Variants in AZIN2 observed in about 807,000 individuals in gnomAD.
AZIN2 encodes antizyme inhibitor 2.
Under a neutral mutation model 47.8 loss-of-function variants are expected in AZIN2, and 28 were observed. That is an observed-to-expected ratio of 0.59 (90% CI 0.43 to 0.80). The LOEUF (loss-of-function observed/expected upper bound fraction) is 0.80, where lower values mean the gene tolerates loss of function less well. AZIN2 is among the 30% of genes least tolerant of loss of function. The pLI is 0.00. For synonymous variants in AZIN2, 221 were observed against 239.4 expected (o/e 0.92, Z 0.71); for missense variants, 535 against 582.5 (o/e 0.92, Z 0.84).
chr1:33,127,364 C>T (rs914907525), downstream of AZIN2, among the ~76,000 whole-genome samples: 4 of 152,252 alleles, frequency 2.6e-5, no homozygotes, highest in African/African-American at 7.2e-5. Context: ...ATGTCGCGCC[C>T]TCTGGCGGCT....
intron 5 of AZIN2, among the ~76,000 whole-genome samples, chr1:33,089,217 G>C (rs530538862): frequency 2.2e-4 from 33 of 152,168 alleles, no homozygotes; most frequent in Non-Finnish European, 3.5e-4. Context: ...AAGATTATTA[G>C]TAAGGTTAAA....
chr1:33,118,432 G>A (rs775055394), intron 11 of AZIN2: 7 of 255,288 alleles, frequency 2.7e-5, no homozygotes, highest in African/African-American at 4.5e-5. Context: ...TACAGGAGTG[G>A]GTGGTAGGAC....
chr1:33,096,509 G>C (rs975470714), intron 8 of AZIN2, among the ~76,000 whole-genome samples, 198 bp from the exon 9 acceptor site: 1 of 152,166 alleles, frequency 6.6e-6, no homozygotes, highest in African/African-American at 2.4e-5. Flanking sequence ...CAAGCACGAG[G>C]CTCTCTACCC....
intron 5 of AZIN2, among the ~76,000 whole-genome samples, chr1:33,088,738 A>G (rs1642212205): frequency 6.6e-6 from 1 of 152,142 alleles, no homozygotes; most frequent in African/African-American, 2.4e-5. Flanking sequence ...CCTCTACTGG[A>G]AAGATTCTTA....
the AZIN2 span, among the ~76,000 whole-genome samples, chr1:33,157,180 G>A: frequency 3.3e-5 from 5 of 152,086 alleles, no homozygotes; most frequent in African/African-American, 9.7e-5. Context: ...ACAGACCCTC[G>A]TGGTGTCTGG....
the AZIN2 span, among the ~76,000 whole-genome samples, chr1:33,149,719 T>G: frequency 1.3e-5 from 2 of 152,226 alleles, no homozygotes; most frequent in Admixed American, 6.5e-5. Context: ...CCTCTCACAG[T>G]GCTGGGATTA....
rs751085465 is a variant in AZIN2, at chr1:33,118,122, A to G, written c.1244+6A>G. Reference sequence around the variant, plus strand: ...GCCATGTCCCGGGTGGCCTGGTAAGAGGGCCCTGCTGGAAAATGGGGGTAT... The same window carrying G: ...GCCATGTCCCGGGTGGCCTGGTAAGGGGGCCCTGCTGGAAAATGGGGGTAT... On this transcript the variant is annotated splice_donor_region_variant and intron_variant, in intron 11 of 11. Coordinates refer to ENST00000294517, the MANE Select transcript of AZIN2 (RefSeq NM_052998.4). 4.0e-6 allele frequency: 6 copies of G among 1,506,598 alleles called. No homozygotes were observed. In the Admixed American group the frequency reaches 1.2e-4, roughly 30 times the overall value. 93.3% of individuals were successfully genotyped at this position (1,506,598 alleles called of 1,614,324 possible). A position where few individuals can be genotyped will look rare whatever the true frequency, so the allele number is the denominator to read the frequency against.
the AZIN2 span, chr1:33,146,409 G>A: frequency 6.2e-6 from 1 of 160,546 alleles, no homozygotes; most frequent in African/African-American, 2.4e-5. Flanking sequence ...CTTGTTCAGA[G>A]CTACTGGGGA....
At chr1:33,082,130 G>T (rs1251345738) in intron 3 of AZIN2, 48 bp from the exon 4 acceptor site, 21 of 823,608 alleles carry the variant, frequency 2.5e-5, no homozygotes, top group Non-Finnish European at 4.2e-5. Context: ...GAGTGGGGCA[G>T]CAGAGCCGGC....
chr1:33,102,783 G>C (rs1437939005), intron 10 of AZIN2, among the ~76,000 whole-genome samples: 4 of 152,080 alleles, frequency 2.6e-5, no homozygotes. Flanking sequence ...CTGAGCTCCA[G>C]ACTTGCACAT....
chr1:33,158,261 A>G, the AZIN2 span: 2 of 1,613,924 alleles, frequency 1.2e-6, no homozygotes, highest in Non-Finnish European at 1.7e-6. Context: ...ACCTGGGTGG[A>G]TGTCCTGGAA....
chr1:33,141,176 C>G, the AZIN2 span, among the ~76,000 whole-genome samples: 1 of 152,052 alleles, frequency 6.6e-6, no homozygotes, highest in Non-Finnish European at 1.5e-5. Context: ...CCCTCCTTCT[C>G]CTCTCGGAGG....
downstream of AZIN2, among the ~76,000 whole-genome samples, chr1:33,126,869 T>C (rs139221797): frequency 1.4e-3 from 213 of 152,364 alleles, 1 homozygote; most frequent in Admixed American, 3.6e-3. Flanking sequence ...GATAGTCTTA[T>C]ACTAAAGCAT....
chr1:33,162,614 C>A, the AZIN2 span, among the ~76,000 whole-genome samples: 1 of 152,130 alleles, frequency 6.6e-6, no homozygotes, highest in South Asian at 2.1e-4. Context: ...GAGATTGCTC[C>A]GTAGAGCTGG....
intron 5 of AZIN2, among the ~76,000 whole-genome samples, chr1:33,090,642 C>T (rs1362120231): frequency 6.6e-5 from 10 of 152,124 alleles, no homozygotes; most frequent in African/African-American, 1.9e-4. Context: ...TATATGTATA[C>T]GTTGTGGAAT....
rs1362629052 is a variant in AZIN2, at chr1:33,120,424, G to GGCCT, written c.*244_*247dup. On this transcript the variant is annotated 3_prime_UTR_variant, in exon 12 of 12. Transcript: ENST00000294517. ...TGTCTGCCTCCTCTGCAGTGCAAGG[G>GGCCT]GCCTGGTCAGCCAGGTGTGGGGGTG... The GGCCT allele has an allele frequency of 1.9e-6, 1 of 524,486 alleles. No individual in the cohort carries two copies. The highest frequency in any genetic ancestry group is 3.2e-6 in the Non-Finnish European group (1 of 310,176). 32.5% of individuals were successfully genotyped at this position (524,486 alleles called of 1,614,324 possible).
chr1:33,139,152 C>T, the AZIN2 span, among the ~76,000 whole-genome samples: 1 of 152,122 alleles, frequency 6.6e-6, no homozygotes, highest in Non-Finnish European at 1.5e-5. Flanking sequence ...AAATAACTTT[C>T]CTAGTCTCTG....
the AZIN2 span, among the ~76,000 whole-genome samples, chr1:33,160,347 G>T: frequency 3.9e-5 from 6 of 151,980 alleles, no homozygotes; most frequent in African/African-American, 1.5e-4. Flanking sequence ...GAGGGCTAGG[G>T]GACAGGGTGA....
At chr1:33,089,125 A>G (rs1194221372) in intron 5 of AZIN2, among the ~76,000 whole-genome samples, 1 of 152,234 alleles carries the variant, frequency 6.6e-6, no homozygotes, top group Non-Finnish European at 1.5e-5. Flanking sequence ...TCTGACAGTT[A>G]GAATCCCATC....
Sources: gnomAD v4.1 joint callset for allele counts (sites outside exome capture counted in the v4.1 genomes callset) on GRCh38, gnomAD v4.1.1 for gene constraint, MANE v1.5 for transcripts, NCBI Gene and HGNC (gene_info 2026-07-23, HGNC 2026-07-21) for gene names.